The following FRY variants were observed in gnomAD, a reference collection of about 807,000 sequenced individuals.
The protein encoded by FRY is FRY microtubule binding protein, also known as protein furry homolog.
Under a neutral mutation model 348.4 loss-of-function variants are expected in FRY, and 128 were observed. The ratio of observed to expected loss-of-function variants is 0.37; its 90% CI spans 0.32 to 0.43. FRY has a LOEUF of 0.43. FRY is among the 20% of genes least tolerant of loss of function. The pLI is 1.00. For synonymous variants in FRY, 1,370 were observed against 1,374.7 expected (o/e 1.00, Z 0.08); for missense variants, 2,736 against 3,695.2 (o/e 0.74, Z 6.73).
intron 2 of FRY, among the ~76,000 whole-genome samples, chr13:32,098,761 T>C (rs775457868): frequency 6.6e-6 from 1 of 152,052 alleles, no homozygotes; most frequent in South Asian, 2.1e-4. Flanking sequence ...ATTTGACGCA[T>C]TGTGAACCCT....
chr13:32,068,304 A>G (rs982257207), intron 1 of FRY, among the ~76,000 whole-genome samples: 2 of 152,206 alleles, frequency 1.3e-5, no homozygotes, highest in South Asian at 4.1e-4. Context: ...CCAGCAAAGG[A>G]CACCTGAATG....
chr13:32,101,282 C>G (rs1357527711), intron 2 of FRY, among the ~76,000 whole-genome samples: 6 of 152,142 alleles, frequency 3.9e-5, no homozygotes, highest in African/African-American at 1.2e-4. Flanking sequence ...TCCATGTTGT[C>G]AAAAATAACA....
chr13:32,264,391 A>AAT (rs1887817441), intron 53 of FRY, among the ~76,000 whole-genome samples: 2 of 152,036 alleles, frequency 1.3e-5, no homozygotes, highest in South Asian at 2.1e-4. Flanking sequence ...GTCAAAGTAT[A>AAT]ATATATATAT....
chr13:32,274,226 G>T (rs1888366611), intron 55 of FRY, among the ~76,000 whole-genome samples: 1 of 151,960 alleles, frequency 6.6e-6, no homozygotes, highest in Non-Finnish European at 1.5e-5. Flanking sequence ...TTAAAAGTAG[G>T]GTTTTTTCCA....
At chr13:32,135,704 A>G (rs530492077) in intron 10 of FRY, among the ~76,000 whole-genome samples, 1 of 152,298 alleles carries the variant, frequency 6.6e-6, no homozygotes, top group East Asian at 1.9e-4. Flanking sequence ...CTTTTAGGTT[A>G]CCACCACCTT....
In FRY at chr13:32,295,929, G is replaced by T. The variant is rs12430325; in HGVS notation, c.*469G>T. On this transcript the variant is annotated 3_prime_UTR_variant, in exon 61 of 61. Coordinates refer to ENST00000542859, the MANE Select transcript of FRY (RefSeq NM_023037.3). ...TTTTTCTTTTTCCTTTCTTTCGTGG[G>T]CTGAGAAAGGGGCAGGCAAAATGAA... The T allele has an allele frequency of 2.8e-3, 474 of 170,876 alleles. 5 individuals carry two copies. The highest frequency in any genetic ancestry group is 0.025 in the Admixed American group (449 of 18,004). The allele number at this position is 170,876 out of a possible 1,614,324, so 10.6% of individuals were successfully genotyped here. A position where few individuals can be genotyped will look rare whatever the true frequency, so the allele number is the denominator to read the frequency against.
At position 32,212,372 on chromosome 13, in the gene FRY, T is replaced by C; in HGVS notation, c.4672T>C (p.Ser1558Pro). ...TGAGGAGAACAAGATATTGAAAGAA[T>C]CTGATGAAAGGTTGGTACACAAATT... ...DAEENKILKE[S>P]DERFSNVIRA... Residue 1558 changes from serine (S) to proline (P), a missense_variant, in exon 35 of 61, where the codon TCT becomes CCT. By Grantham distance (74) the Ser-to-Pro change is moderately conservative. This residue lies in a region of FRY where 794 missense variants were observed against 977.0 expected (regional missense o/e 0.81). Coordinates refer to ENST00000542859, the MANE Select transcript of FRY (RefSeq NM_023037.3). 1 of 1,596,668 alleles carries C rather than the reference T, an allele frequency of 6.3e-7. No individual in the cohort carries two copies. Among genetic ancestry groups the C allele is most frequent in the Non-Finnish European group, 8.6e-7 (1 of 1,166,124 alleles).
chr13:32,194,143 G>A lies in FRY; in HGVS notation c.3592G>A (p.Val1198Ile). ...ATATTGATTTGCTCCATGTATTCAG[G>A]TTCATCAACTTGGCTGCGAAGTTGT... is the stretch of plus-strand genomic sequence containing the variant. Reference protein sequence around the residue: ...DNILACQDLRVHQLGCEVVVL... With the variant: ...DNILACQDLRIHQLGCEVVVL... The change falls in exon 29 of 61, where the codon GTT becomes ATT. Residue 1198 changes from valine to isoleucine, a missense_variant and splice_region_variant. Physicochemically the swap from Val to Ile is conservative, Grantham distance 29. Around this residue, in one of 9 missense-constraint regions of FRY, gnomAD observed 794 missense variants for 977.0 expected, o/e 0.81. Transcript: ENST00000542859. 6.2e-7 allele frequency: 1 copy of A among 1,612,972 alleles called. No homozygotes were observed. The highest frequency in any genetic ancestry group is 8.5e-7 in the Non-Finnish European group (1 of 1,179,024).
intron 16 of FRY, among the ~76,000 whole-genome samples, chr13:32,159,250 A>G (rs1056466910): frequency 7.9e-5 from 12 of 151,920 alleles, no homozygotes; most frequent in African/African-American, 2.4e-4. Flanking sequence ...AAAAAAAAAA[A>G]TAAGGAAGAA....
At position 32,227,625 on chromosome 13, in the gene FRY, T is replaced by A. The variant is rs181924502; in HGVS notation, c.5207-831T>A. 1.1e-4 allele frequency among the ~76,000 whole-genome samples: 16 copies of A among 152,308 alleles called. No homozygotes were observed. The East Asian group carries it at 2.5e-3, about 24-fold the overall frequency. ...ATTTCTTTGAATACCATAAAACATATTCTATTAAAATATATCAATATACAC... is the reference window on the plus strand; with the variant it reads ...ATTTCTTTGAATACCATAAAACATAATCTATTAAAATATATCAATATACAC... On this transcript the variant is annotated intron_variant, in intron 39 of 60. Transcript: ENST00000542859.
At chr13:32,123,464 G>A (rs1206582762) in intron 4 of FRY, among the ~76,000 whole-genome samples, 1 of 152,126 alleles carries the variant, frequency 6.6e-6, no homozygotes, top group Non-Finnish European at 1.5e-5. Context: ...AAATGTAAGA[G>A]AAAAGGGACA....
intron 1 of FRY, among the ~76,000 whole-genome samples, chr13:32,032,556 G>C (rs9533201): frequency 0.041 from 6,216 of 152,168 alleles, 158 homozygotes; most frequent in African/African-American, 0.062. Context: ...TATTTATTAG[G>C]ATAGCAGAAT....
At chr13:32,160,780 T>TG (rs1881395447) in intron 16 of FRY, among the ~76,000 whole-genome samples, 1 of 151,706 alleles carries the variant, frequency 6.6e-6, no homozygotes, top group Non-Finnish European at 1.5e-5. Flanking sequence ...ATATATATAC[T>TG]CCATTTTTAA....
At chr13:32,273,735 GAA>G (rs1888340461) in intron 55 of FRY, among the ~76,000 whole-genome samples, 1 of 152,186 alleles carries the variant, frequency 6.6e-6, no homozygotes, top group African/African-American at 2.4e-5. Flanking sequence ...TTGGGAAGCA[GAA>G]AAGAGTTACG....
At chr13:32,289,565 A>T in intron 58 of FRY, 68 bp from the exon 59 acceptor site, 1 of 965,882 alleles carries the variant, frequency 1.0e-6, no homozygotes, top group Admixed American at 1.7e-5. Flanking sequence ...CTCCATTGAG[A>T]TTTCACTAGT....
chr13:32,076,433 G>A (rs1173733986), intron 1 of FRY, among the ~76,000 whole-genome samples: 3 of 152,312 alleles, frequency 2.0e-5, no homozygotes, highest in South Asian at 2.1e-4. Context: ...TTGGGGAGGT[G>A]TCCTACTTCC....
intron 39 of FRY, among the ~76,000 whole-genome samples, 162 bp downstream of exon 39, chr13:32,226,136 G>A (rs1174239723): frequency 1.3e-5 from 2 of 152,190 alleles, no homozygotes; most frequent in Non-Finnish European, 2.9e-5. Flanking sequence ...TTCACTTGAT[G>A]TGAACTTGCC....
chr13:32,058,681 C>A (rs1318510829), intron 1 of FRY, among the ~76,000 whole-genome samples: 2 of 152,122 alleles, frequency 1.3e-5, no homozygotes, highest in Non-Finnish European at 2.9e-5. Context: ...TATAGGAGAA[C>A]ATGGGCTTCA....
intron 56 of FRY, among the ~76,000 whole-genome samples, chr13:32,275,373 G>A (rs1256864150): frequency 1.3e-5 from 2 of 152,126 alleles, no homozygotes; most frequent in Non-Finnish European, 2.9e-5. Flanking sequence ...GGGCGACAGA[G>A]CGAGACTCTG....
Sources: gnomAD v4.1 joint callset for allele counts (sites outside exome capture counted in the v4.1 genomes callset) on GRCh38, gnomAD v4.1.1 for gene constraint, gnomAD v4.1.1 regional missense constraint, MANE v1.5 for transcripts, NCBI Gene and HGNC (gene_info 2026-07-23, HGNC 2026-07-21) for gene names.